The following LFNG variants were observed in gnomAD, a reference collection of about 807,000 sequenced individuals.
The protein encoded by LFNG is beta-1,3-N-acetylglucosaminyltransferase lunatic fringe.
A neutral mutation model predicts 32.7 loss-of-function variants in LFNG; 15 were observed. The observed-to-expected ratio is 0.46, with a 90% CI of 0.31 to 0.71. The LOEUF is 0.71. Among genes scored for constraint, LFNG ranks in the 30% least tolerant of loss-of-function variants. The pLI, the probability that LFNG is intolerant of heterozygous loss-of-function variation, is 0.06. For synonymous variants in LFNG, 274 were observed against 246.8 expected, an observed-to-expected ratio of 1.11 and a Z score of -1.03; for missense variants, 520 against 545.7, an observed-to-expected ratio of 0.95 and a Z score of 0.47.
At chr7:2,512,562 G>T in exon 1 of LFNG, 1 of 1,103,858 alleles carries the variant, frequency 9.1e-7, no homozygotes, top group South Asian at 1.3e-5. Context: ...AGCCTCCCAA[G>T]GAAGGGAGGA....
At position 2,526,867 on chromosome 7, in the gene LFNG, A is replaced by G. The variant is rs1287450035; in HGVS notation, c.1019A>G (p.Lys340Arg). The change falls in exon 7 of 8, where the codon AAG becomes AGG. Residue 340 changes from lysine (K) to arginine (R), a missense_variant. Coordinates refer to ENST00000222725, the MANE Select transcript of LFNG (RefSeq NM_001040167.2). This position sits in a 1 kb window ranked among gnomAD's most constrained non-coding sequence, Gnocchi z 6.9. ...VTLSYGMFEN[K>R]RNAVHVKGPF... ...CTGAGCTACGGTATGTTTGAAAACA[A>G]GCGGAACGCCGTCCACGTGAAGGGG... 6.2e-7 allele frequency: 1 copy of G among 1,611,690 alleles called. No homozygotes were observed. The highest frequency in any genetic ancestry group is 8.5e-7 in the Non-Finnish European group (1 of 1,179,858).
Position 2,527,291 on chromosome 7 carries a change from C to T in LFNG, c.*79C>T, listed in dbSNP as rs983508434. On this transcript the variant is annotated 3_prime_UTR_variant, in exon 8 of 8. Coordinates refer to ENST00000222725, the MANE Select transcript of LFNG (RefSeq NM_001040167.2). This position sits in a 1 kb window ranked among gnomAD's most constrained non-coding sequence, Gnocchi z 4.4. Reference sequence around the variant, plus strand: ...GGACCCTGTTGCGCTGCCCTGGCCTCGGCATTCGAGGCTCCCCTAGGGCCG... The same window carrying T: ...GGACCCTGTTGCGCTGCCCTGGCCTTGGCATTCGAGGCTCCCCTAGGGCCG... The T allele has an allele frequency of 4.3e-5, 68 of 1,577,304 alleles. No individual in the cohort carries two copies. The Admixed American group carries it at 9.0e-4, about 21-fold the overall frequency.
At chr7:2,517,593 C>T, upstream of LFNG, 1 of 436,962 alleles carries the variant, frequency 2.3e-6, no homozygotes. Flanking sequence ...CGGCTCAGGG[C>T]AGGAAGCCCC....
Position 2,526,437 on chromosome 7 carries a change from A to G in LFNG, c.987+28A>G. On this transcript the variant is annotated intron_variant, in intron 6 of 7. Transcript: ENST00000222725. This position sits in a 1 kb window ranked among gnomAD's most constrained non-coding sequence, Gnocchi z 6.9. ...GCACCATCCTCCGGGCCCCGCCAGG[A>G]CTCCGAGAGCACAGGAAGGGACGTG... is the stretch of plus-strand genomic sequence containing the variant. 2.5e-6 allele frequency: 4 copies of G among 1,601,430 alleles called. No individual in the cohort carries two copies. Among genetic ancestry groups the G allele is most frequent in the Non-Finnish European group, 3.4e-6 (4 of 1,179,430 alleles).
At chr7:2,519,225 C>G (rs545399827), upstream of LFNG, among the ~76,000 whole-genome samples, 270 of 152,274 alleles carry the variant, frequency 1.8e-3, 4 homozygotes, top group African/African-American at 6.1e-3. Flanking sequence ...TGGCCAAGCT[C>G]TTGCTCTGTA....
At position 2,519,860 on chromosome 7, in the gene LFNG, C is replaced by G. The variant is rs1779733398; in HGVS notation, c.-2C>G. On this transcript the variant is annotated 5_prime_UTR_variant, in exon 1 of 8. Transcript: ENST00000222725. ...GGCGCGCCGCGCGGCCGCCACCCCA[C>G]CATGCTCAAGCGCTGCGGCCGGCGC... is the stretch of plus-strand genomic sequence containing the variant. The G allele has an allele frequency of 5.5e-6, 6 of 1,097,964 alleles. No homozygotes were observed. The highest frequency in any genetic ancestry group is 1.7e-5 in the African/African-American group (1 of 59,122). The allele number at this position is 1,097,964 out of a possible 1,614,324, so 68.0% of individuals were successfully genotyped here. A position where few individuals can be genotyped will look rare whatever the true frequency, so the allele number is the denominator to read the frequency against.
chr7:2,525,592 C>T (rs1044343060), intron 4 of LFNG, 25 bp downstream of exon 4: 7 of 1,611,958 alleles, frequency 4.3e-6, no homozygotes, highest in Non-Finnish European at 5.9e-6. Context: ...CTCCCAGTCC[C>T]CCACGCCCAC....
upstream of LFNG, among the ~76,000 whole-genome samples, chr7:2,518,192 T>A (rs1779676235): frequency 6.6e-6 from 1 of 152,168 alleles, no homozygotes; most frequent in South Asian, 2.1e-4. Context: ...CGGCTCACCC[T>A]CAAGCCTCTC....
chr7:2,518,729 A>G, upstream of LFNG: 3 of 1,289,246 alleles, frequency 2.3e-6, no homozygotes, highest in South Asian at 1.4e-5. Context: ...GACCCTGCTT[A>G]GGAGGGCACG....
At chr7:2,517,674 G>A (rs779400380), upstream of LFNG, 28 of 458,924 alleles carry the variant, frequency 6.1e-5, no homozygotes, top group Non-Finnish European at 1.2e-4. Flanking sequence ...GGGTGGCATG[G>A]CACCCACCAT....
At chr7:2,516,749 G>A (rs985991555), upstream of LFNG, among the ~76,000 whole-genome samples, 2 of 152,228 alleles carry the variant, frequency 1.3e-5, no homozygotes, top group East Asian at 3.8e-4. Context: ...GGGCCCTGCA[G>A]AGGGGAAGAC....
At chr7:2,517,800 G>A (rs536197412), upstream of LFNG, 10 of 1,103,778 alleles carry the variant, frequency 9.1e-6, no homozygotes, top group African/African-American at 1.5e-4. Context: ...AAACGGGGCT[G>A]GGACTAAGTC....
upstream of LFNG, among the ~76,000 whole-genome samples, chr7:2,519,469 G>A (rs1020435121): frequency 6.6e-6 from 1 of 152,048 alleles, no homozygotes; most frequent in African/African-American, 2.4e-5. Flanking sequence ...TCCCCGGACG[G>A]CGCTGGCCAG....
chr7:2,513,101 G>A, upstream of LFNG: 1 of 1,584,896 alleles, frequency 6.3e-7, no homozygotes, highest in South Asian at 1.1e-5. Context: ...GGGCACCTTT[G>A]GGCTGGACCC....
chr7:2,521,332 C>T (rs1329890319), intron 1 of LFNG, among the ~76,000 whole-genome samples: 2 of 119,668 alleles, frequency 1.7e-5, no homozygotes, highest in Admixed American at 8.1e-5. Flanking sequence ...AGCGGGCTGG[C>T]GGGAGGGGGC....
rs529850135 is a variant in LFNG, at chr7:2,525,331, C to T, written c.581+13C>T. ...AGTCCGGCAGGAAGTGAGTGTGGCC[C>T]CGGGGGACCCCCATCTCCCTGCCCG... On this transcript the variant is annotated intron_variant, in intron 3 of 7. Coordinates refer to ENST00000222725, the MANE Select transcript of LFNG (RefSeq NM_001040167.2). 3 of 1,612,522 alleles carry T rather than the reference C, an allele frequency of 1.9e-6. No homozygotes were observed. The highest frequency in any genetic ancestry group is 2.7e-5 in the African/African-American group (2 of 75,052).
chr7:2,513,056 C>T (rs1779529380), upstream of LFNG: 4 of 1,161,516 alleles, frequency 3.4e-6, no homozygotes, highest in South Asian at 2.8e-5. Flanking sequence ...CCTCCCAGCC[C>T]CAGCCCACAG....
rs1357753551 is a variant in LFNG at position 2,520,985 on chromosome 7, G to A, written c.432+692G>A. Among the ~76,000 whole-genome samples the A allele has an allele frequency of 1.3e-5, 2 of 152,232 alleles. No homozygotes were observed. Among genetic ancestry groups the A allele is most frequent in the African/African-American group, 4.8e-5 (2 of 41,464 alleles). On this transcript the variant is annotated intron_variant, in intron 1 of 7. Transcript: ENST00000222725. The surrounding 1 kb of genome is among the most constrained non-coding windows in gnomAD (Gnocchi z 5.0). ...ATTTCCCTCGAGGCCACAGCAGGAC[G>A]GTTGGGCTGGGGCGGGATGGGGACA...
chr7:2,524,589 C>T lies in LFNG; in HGVS notation c.433-106C>T, dbSNP rs575722666. ...CGGAGAAGGGTGGGTGTCAGTGTGA[C>T]GCAGCTGCAGCTGCAGCAACTCCAG... is the stretch of plus-strand genomic sequence containing the variant. On this transcript the variant is annotated intron_variant, in intron 1 of 7. Transcript: ENST00000222725. The T allele has an allele frequency of 9.1e-4, 969 of 1,061,748 alleles. 4 individuals carry two copies. Among genetic ancestry groups the T allele is most frequent in the Middle Eastern group, 5.9e-3 (29 of 4,912 alleles). The allele number at this position is 1,061,748 out of a possible 1,614,324, so 65.8% of individuals were successfully genotyped here.
Sources: gnomAD v4.1 joint callset for allele counts (sites outside exome capture counted in the v4.1 genomes callset) on GRCh38, gnomAD v4.1.1 for gene constraint, Gnocchi (gnomAD v3.1) non-coding constraint, MANE v1.5 for transcripts, NCBI Gene and HGNC (gene_info 2026-07-23, HGNC 2026-07-21) for gene names.